The following IMMP2L variants were observed in gnomAD, a reference collection of about 807,000 sequenced individuals.
IMMP2L encodes the protein mitochondrial inner membrane protease subunit 2.
A neutral mutation model predicts 19.3 loss-of-function variants in IMMP2L; 18 were observed. That is an observed-to-expected ratio of 0.93 (90% CI 0.64 to 1.38). The LOEUF is 1.38. IMMP2L is among the 40% of genes most tolerant of loss of function. The pLI is 0.00. For missense variants in IMMP2L, 233 were observed against 218.2 expected (o/e 1.07, Z -0.43); for synonymous variants, 76 against 73.0 (o/e 1.04, Z -0.21).
chr7:111,380,726 C>T (rs888199952), intron 3 of IMMP2L, among the ~76,000 whole-genome samples: 5 of 151,924 alleles, frequency 3.3e-5, no homozygotes, highest in African/African-American at 1.2e-4. Flanking sequence ...GAAAAATTAG[C>T]CCTTTAGTTA....
intron 3 of IMMP2L, among the ~76,000 whole-genome samples, chr7:111,429,850 T>C (rs1836454305): frequency 6.6e-6 from 1 of 151,880 alleles, no homozygotes; most frequent in African/African-American, 2.4e-5. Flanking sequence ...CATATTGGCC[T>C]GTACTTTCAC....
At chr7:111,056,171 G>A (rs2129573976) in intron 3 of IMMP2L, among the ~76,000 whole-genome samples, 1 of 152,236 alleles carries the variant, frequency 6.6e-6, no homozygotes, top group African/African-American at 2.4e-5. Flanking sequence ...TTAATAGATT[G>A]TTATTAATGA....
intron 3 of IMMP2L, among the ~76,000 whole-genome samples, chr7:111,235,733 A>T (rs1000917363): frequency 2.0e-5 from 3 of 151,526 alleles, no homozygotes; most frequent in Non-Finnish European, 4.4e-5. Context: ...AGTTTTTATC[A>T]ATTTTCTTTC....
intron 3 of IMMP2L, among the ~76,000 whole-genome samples, chr7:111,050,661 G>A (rs955922580): frequency 2.6e-5 from 4 of 152,184 alleles, no homozygotes; most frequent in South Asian, 2.1e-4. Flanking sequence ...TCTCCGTTTC[G>A]GGGTGACTCA....
intron 1 of IMMP2L, among the ~76,000 whole-genome samples, chr7:111,534,945 T>C (rs1333313989): frequency 2.0e-5 from 3 of 152,160 alleles, no homozygotes; most frequent in African/African-American, 7.2e-5. Flanking sequence ...TGGTCTGTAT[T>C]AGAAGTAGAT....
At chr7:110,723,572 T>C (rs1795706915) in intron 5 of IMMP2L, among the ~76,000 whole-genome samples, 1 of 152,186 alleles carries the variant, frequency 6.6e-6, no homozygotes, top group South Asian at 2.1e-4. Flanking sequence ...TTAGCAATTG[T>C]AGTAGTTCTA....
At chr7:111,085,189 C>T (rs977182005) in intron 3 of IMMP2L, among the ~76,000 whole-genome samples, 1 of 152,152 alleles carries the variant, frequency 6.6e-6, no homozygotes, top group East Asian at 1.9e-4. Flanking sequence ...TTGTGAATTT[C>T]TTGGCATAGT....
At position 111,123,699 on chromosome 7, in the gene IMMP2L, A is replaced by T. The variant is rs562452787; in HGVS notation, c.240-160134T>A. The T allele has an allele frequency of 6.2e-7, 1 of 1,613,934 alleles. No individual in the cohort carries two copies. The highest frequency in any genetic ancestry group is 8.5e-7 in the Non-Finnish European group (1 of 1,179,934). On this transcript the variant is annotated intron_variant, in intron 3 of 5. Coordinates refer to ENST00000405709, the MANE Select transcript of IMMP2L (RefSeq NM_032549.4). This position sits in a 1 kb window ranked among gnomAD's most constrained non-coding sequence, Gnocchi z 6.4. ...ATAGTCTTGCTGTGGATAACCTGCC[A>T]GATTTAAGAAAAATAGAAGCTACTA...
At chr7:111,419,021 A>G (rs1474401531) in intron 3 of IMMP2L, among the ~76,000 whole-genome samples, 1 of 151,852 alleles carries the variant, frequency 6.6e-6, no homozygotes, top group Non-Finnish European at 1.5e-5. Flanking sequence ...CAAATAAATT[A>G]CAAATCAAAT....
At chr7:111,262,257 A>G (rs947879097) in intron 3 of IMMP2L, among the ~76,000 whole-genome samples, 1 of 152,154 alleles carries the variant, frequency 6.6e-6, no homozygotes, top group Admixed American at 6.6e-5. Context: ...TATAAAAGAG[A>G]AAAATGCTGG....
At chr7:110,922,118 A>C (rs2129550588) in intron 4 of IMMP2L, among the ~76,000 whole-genome samples, 1 of 152,334 alleles carries the variant, frequency 6.6e-6, no homozygotes, top group Non-Finnish European at 1.5e-5. Context: ...GAGTGCCAAG[A>C]TGCTACAAAA....
intron 5 of IMMP2L, among the ~76,000 whole-genome samples, chr7:110,774,470 A>G (rs1336257533): frequency 6.6e-6 from 1 of 152,124 alleles, no homozygotes; most frequent in African/African-American, 2.4e-5. Context: ...GAAGGAAACA[A>G]AAAACCCTTC....
intron 2 of IMMP2L, among the ~76,000 whole-genome samples, chr7:111,515,529 T>C (rs768165766): frequency 6.6e-6 from 1 of 152,166 alleles, no homozygotes; most frequent in Non-Finnish European, 1.5e-5. Flanking sequence ...GCTACTGACT[T>C]TAATGTATAC....
chr7:111,506,630 C>T (rs933570150), intron 2 of IMMP2L, among the ~76,000 whole-genome samples: 1 of 152,072 alleles, frequency 6.6e-6, no homozygotes. Context: ...CTCCTAACCT[C>T]GTGATCCACC....
intron 3 of IMMP2L, among the ~76,000 whole-genome samples, chr7:111,042,176 T>C (rs1379763157): frequency 1.3e-5 from 2 of 152,144 alleles, no homozygotes; most frequent in Admixed American, 6.5e-5. Flanking sequence ...ATAGATACCA[T>C]TTAAAGTTTT....
At chr7:110,750,112 A>C (rs1350264558) in intron 5 of IMMP2L, among the ~76,000 whole-genome samples, 1 of 152,100 alleles carries the variant, frequency 6.6e-6, no homozygotes, top group Non-Finnish European at 1.5e-5. Context: ...ATTCAATTTG[A>C]AATGATATAG....
intron 1 of IMMP2L, among the ~76,000 whole-genome samples, chr7:111,528,576 A>T (rs943541820): frequency 6.6e-6 from 1 of 152,134 alleles, no homozygotes; most frequent in African/African-American, 2.4e-5. Context: ...ATAACAACCC[A>T]CACTGTAAAT....
intron 3 of IMMP2L, among the ~76,000 whole-genome samples, chr7:111,045,731 A>G (rs1792330769): frequency 6.6e-6 from 1 of 152,190 alleles, no homozygotes. Flanking sequence ...AGGCAGGAAA[A>G]CTAATTCTCC....
chr7:111,030,855 C>A (rs1230816526), intron 3 of IMMP2L, among the ~76,000 whole-genome samples: 1 of 125,396 alleles, frequency 8.0e-6, no homozygotes, highest in African/African-American at 2.9e-5. Flanking sequence ...TGTGTATATA[C>A]ATATGTGTGT....
Sources: allele counts gnomAD v4.1 joint callset (sites outside exome capture counted in the v4.1 genomes callset), GRCh38; gene constraint gnomAD v4.1.1; non-coding constraint Gnocchi (gnomAD v3.1); transcripts MANE v1.5; gene names NCBI Gene and HGNC (gene_info 2026-07-23, HGNC 2026-07-21).